CPQ: variants seen among roughly 807,000 people sequenced by gnomAD.
The protein encoded by CPQ is Ser-Met dipeptidase.
Under a neutral mutation model 45.7 loss-of-function variants are expected in CPQ, and 37 were observed. That is an observed-to-expected ratio of 0.81 (90% CI 0.62 to 1.07). The LOEUF is 1.07. Among genes scored for constraint, CPQ ranks in the 50% least tolerant of loss-of-function variants. The pLI is 0.00. For missense variants in CPQ, 537 were observed against 572.9 expected, an observed-to-expected ratio of 0.94 and a Z score of 0.64; for synonymous variants, 186 against 205.8, an observed-to-expected ratio of 0.90 and a Z score of 0.82.
intron 3 of CPQ, among the ~76,000 whole-genome samples, chr8:96,863,100 T>C (rs946745309): frequency 6.6e-6 from 1 of 152,142 alleles, no homozygotes; most frequent in Non-Finnish European, 1.5e-5. Flanking sequence ...TTACATGCAG[T>C]TGATCTTACA....
chr8:96,826,486 T>C (rs1327778409), intron 2 of CPQ, among the ~76,000 whole-genome samples: 1 of 151,978 alleles, frequency 6.6e-6, no homozygotes, highest in East Asian at 1.9e-4. Flanking sequence ...TATATATACA[T>C]ATATCTGCCG....
chr8:96,655,092 T>G (rs2130706829), intron 1 of CPQ, among the ~76,000 whole-genome samples: 1 of 152,316 alleles, frequency 6.6e-6, no homozygotes, highest in African/African-American at 2.4e-5. Context: ...TAAGATCATC[T>G]TGGTGATTTT....
intron 3 of CPQ, among the ~76,000 whole-genome samples, chr8:96,849,300 G>A (rs964184281): frequency 3.9e-5 from 6 of 152,150 alleles, no homozygotes; most frequent in South Asian, 2.1e-4. Flanking sequence ...TGGATACCTC[G>A]ACTGCAGTTC....
At chr8:96,710,955 C>T (rs1039893999) in intron 1 of CPQ, among the ~76,000 whole-genome samples, 3 of 152,032 alleles carry the variant, frequency 2.0e-5, no homozygotes, top group East Asian at 1.9e-4. Flanking sequence ...TTGAAGTTCC[C>T]CACTATTATT....
chr8:97,101,871 C>G (rs1263605507), intron 7 of CPQ, among the ~76,000 whole-genome samples: 1 of 149,810 alleles, frequency 6.7e-6, no homozygotes, highest in Non-Finnish European at 1.5e-5. Flanking sequence ...GTGTTGCTTT[C>G]TTCATTCATT....
At chr8:96,908,772 CA>C (rs1214985493) in intron 4 of CPQ, among the ~76,000 whole-genome samples, 4 of 151,810 alleles carry the variant, frequency 2.6e-5, no homozygotes, top group Non-Finnish European at 5.9e-5. Flanking sequence ...CACACACACA[CA>C]CACACCATAT....
chr8:97,135,853 A>T (rs1468160038), intron 7 of CPQ, among the ~76,000 whole-genome samples: 1 of 152,210 alleles, frequency 6.6e-6, no homozygotes, highest in Admixed American at 6.5e-5. Context: ...GTGCTTTCAA[A>T]CGTCTTTCAA....
chr8:97,074,081 T>C (rs1186903539), intron 7 of CPQ, among the ~76,000 whole-genome samples: 3 of 152,204 alleles, frequency 2.0e-5, no homozygotes, highest in Non-Finnish European at 4.4e-5. Context: ...GAAGAGCAAA[T>C]TGTTATACCA....
chr8:96,796,421 A>G (rs1810930065), intron 2 of CPQ, among the ~76,000 whole-genome samples: 1 of 152,138 alleles, frequency 6.6e-6, no homozygotes, highest in Non-Finnish European at 1.5e-5. Flanking sequence ...TGATTGTCCT[A>G]TTTTATTCAA....
At chr8:97,037,800 A>G (rs779588686) in intron 6 of CPQ, among the ~76,000 whole-genome samples, 4 of 152,212 alleles carry the variant, frequency 2.6e-5, no homozygotes, top group African/African-American at 4.8e-5. Context: ...TATGGTAATT[A>G]TATATCAATG....
At chr8:96,832,444 C>A (rs1811471456) in intron 2 of CPQ, among the ~76,000 whole-genome samples, 1 of 152,124 alleles carries the variant, frequency 6.6e-6, no homozygotes, top group South Asian at 2.1e-4. Context: ...GCTTAATGAC[C>A]AACTGGCTAC....
chr8:97,017,819 C>T (rs974155522), intron 5 of CPQ, among the ~76,000 whole-genome samples: 7 of 151,926 alleles, frequency 4.6e-5, no homozygotes, highest in African/African-American at 1.7e-4. Flanking sequence ...TGGCTGAAGA[C>T]AAAGGGCATA....
At chr8:97,125,120 CAT>C (rs1307624982) in intron 7 of CPQ, among the ~76,000 whole-genome samples, 1 of 152,054 alleles carries the variant, frequency 6.6e-6, no homozygotes, top group Non-Finnish European at 1.5e-5. Context: ...AATGAACAAA[CAT>C]ATACAAAAAA....
At chr8:96,918,006 T>C (rs1431226441) in intron 4 of CPQ, among the ~76,000 whole-genome samples, 1 of 152,174 alleles carries the variant, frequency 6.6e-6, no homozygotes, top group African/African-American at 2.4e-5. Context: ...GTACTCTTAG[T>C]GTACCTTATT....
chr8:97,134,572 C>A (rs113134452), intron 7 of CPQ, among the ~76,000 whole-genome samples: 16 of 152,260 alleles, frequency 1.1e-4, no homozygotes, highest in African/African-American at 3.9e-4. Flanking sequence ...TACCTCCGAC[C>A]CAAGTTTCCA....
intron 4 of CPQ, among the ~76,000 whole-genome samples, chr8:96,940,545 A>C (rs1235008250): frequency 6.6e-6 from 1 of 152,194 alleles, no homozygotes; most frequent in African/African-American, 2.4e-5. Flanking sequence ...AAGACAAATG[A>C]ATTATTACTG....
intron 5 of CPQ, among the ~76,000 whole-genome samples, chr8:97,013,406 T>C (rs1296029363): frequency 6.6e-6 from 1 of 152,210 alleles, no homozygotes; most frequent in African/African-American, 2.4e-5. Context: ...TAAAATTCTG[T>C]TACACGTGGT....
rs560637260 is a variant in CPQ at position 96,755,219 on chromosome 8, AC to A, written c.-34-29644del. On this transcript the variant is annotated intron_variant, in intron 1 of 7. Coordinates refer to ENST00000220763, the MANE Select transcript of CPQ (RefSeq NM_016134.4). ...AAACTCAAAGCATACAAAAGGGCTT[AC>A]AGATAATAGTGAATTTTCTTCATTC... Among the ~76,000 whole-genome samples the A allele has an allele frequency of 6.9e-3, 1,056 of 152,118 alleles. 2 individuals carry two copies. Among genetic ancestry groups the A allele is most frequent in the Non-Finnish European group, 0.011 (763 of 67,894 alleles).
At chr8:96,720,246 C>T (rs1322987312) in intron 1 of CPQ, among the ~76,000 whole-genome samples, 1 of 152,102 alleles carries the variant, frequency 6.6e-6, no homozygotes, top group Non-Finnish European at 1.5e-5. Flanking sequence ...CTTGCGGCAT[C>T]TTGGGATTGG....
Sources: gnomAD v4.1 joint callset for allele counts (sites outside exome capture counted in the v4.1 genomes callset) on GRCh38, gnomAD v4.1.1 for gene constraint, MANE v1.5 for transcripts, NCBI Gene and HGNC (gene_info 2026-07-23, HGNC 2026-07-21) for gene names.